TCTN2: variants seen among roughly 807,000 people sequenced by gnomAD.
TCTN2 encodes the protein tectonic-2.
A neutral mutation model predicts 83.4 loss-of-function variants in TCTN2; 66 were observed. The ratio of observed to expected loss-of-function variants is 0.79; its 90% CI spans 0.65 to 0.97. The LOEUF is 0.97. Among genes scored for constraint, TCTN2 ranks in the 50% least tolerant of loss-of-function variants. The pLI is 0.00. For missense variants in TCTN2, 794 were observed against 858.1 expected (o/e 0.93, Z 0.93); for synonymous variants, 301 against 326.7 (o/e 0.92, Z 0.85).
intron 4 of TCTN2, among the ~76,000 whole-genome samples, chr12:123,676,768 A>G (rs1025296270): frequency 1.3e-5 from 2 of 152,134 alleles, no homozygotes; most frequent in Non-Finnish European, 2.9e-5. Context: ...GGAAGCACAG[A>G]CAGGAGGTAT....
chr12:123,676,669 T>G (rs1365361664), intron 4 of TCTN2, among the ~76,000 whole-genome samples: 1 of 151,492 alleles, frequency 6.6e-6, no homozygotes, highest in East Asian at 1.9e-4. Context: ...CATCTTTGTA[T>G]ATGAGTGATT....
intron 4 of TCTN2, among the ~76,000 whole-genome samples, chr12:123,676,678 T>C (rs1955826937): frequency 6.6e-6 from 1 of 151,990 alleles, no homozygotes; most frequent in African/African-American, 2.4e-5. Context: ...ATATGAGTGA[T>C]TGAGTTGTCA....
rs1227702789 is a variant in TCTN2, at chr12:123,673,713, C to G, written c.366C>G (p.Thr122=). 3.1e-6 allele frequency: 5 copies of G among 1,613,988 alleles called. No individual in the cohort carries two copies. The highest frequency in any genetic ancestry group is 2.7e-5 in the African/African-American group (2 of 74,898). ...CAGAGTCCCCCTGTATCCTCCAGAC[C>G]CTTCTGGTTTCAGCATCTCATAATT... ...SFSESPCILQ[T]LLVSASHNSS... is the part of the protein sequence containing the mutation. The change falls in exon 4 of 18, where the codon ACC becomes ACG. Residue 122 remains threonine, a synonymous_variant. Transcript: ENST00000303372.
At chr12:123,705,674 A>G (rs896145905) in intron 15 of TCTN2, among the ~76,000 whole-genome samples, 3 of 151,990 alleles carry the variant, frequency 2.0e-5, no homozygotes, top group Non-Finnish European at 1.5e-5. Flanking sequence ...GATGGCAAAG[A>G]TCAGCACCAG....
rs1955751143 is a variant in TCTN2, at chr12:123,671,536, G to T, written c.112G>T (p.Gly38Cys). 3.1e-6 allele frequency: 5 copies of T among 1,614,022 alleles called. No homozygotes were observed. Among genetic ancestry groups the T allele is most frequent in the Middle Eastern group, 1.6e-4 (1 of 6,062 alleles). The change falls in exon 2 of 18, where the codon GGC becomes TGC. Residue 38 changes from glycine (G) to cysteine (C), a missense_variant. Transcript: ENST00000303372. ...CATCCCTCCTTTTATCCGAATGTCC[G>T]GCCCTGCGGTCAGCGCGTCCCTGGT... ...AFIPPFIRMSGPAVSASLVGD... is the reference protein window; with the variant it reads ...AFIPPFIRMSCPAVSASLVGD...
intron 5 of TCTN2, among the ~76,000 whole-genome samples, chr12:123,680,967 A>G (rs1955892521): frequency 6.6e-6 from 1 of 152,126 alleles, no homozygotes; most frequent in African/African-American, 2.4e-5. Flanking sequence ...ATATAAAAAA[A>G]GAAAGAATAA....
intron 11 of TCTN2, chr12:123,695,570 C>A: frequency 3.5e-6 from 1 of 286,006 alleles, no homozygotes; most frequent in Non-Finnish European, 6.5e-6. Flanking sequence ...TACAGGTGCA[C>A]ACCACCATGC....
chr12:123,674,373 C>T (rs1480305429), intron 4 of TCTN2, among the ~76,000 whole-genome samples: 1 of 151,986 alleles, frequency 6.6e-6, no homozygotes, highest in Admixed American at 6.6e-5. Flanking sequence ...TGGGCTTAAG[C>T]GATTCTCCTG....
chr12:123,697,082 T>G lies in TCTN2; in HGVS notation c.1394-5T>G. On this transcript the variant is annotated splice_region_variant and splice_polypyrimidine_tract_variant and intron_variant, in intron 12 of 17. Coordinates refer to ENST00000303372, the MANE Select transcript of TCTN2 (RefSeq NM_024809.5). The stretch of plus-strand genomic sequence containing the variant: ...TAGCAAGAGGATAATCTTTTTCTTT[T>G]ATAGCTGGAAGGGGTCTGTGTACAT... 6.2e-7 allele frequency: 1 copy of G among 1,610,114 alleles called. No individual in the cohort carries two copies. Among genetic ancestry groups the G allele is most frequent in the Non-Finnish European group, 8.5e-7 (1 of 1,176,368 alleles).
chr12:123,707,101 A>G (rs745643539), intron 17 of TCTN2, 28 bp downstream of exon 17: 4 of 1,598,316 alleles, frequency 2.5e-6, no homozygotes, highest in East Asian at 4.5e-5. Context: ...TCTATGACCA[A>G]TTATGTTATG....
intron 3 of TCTN2, among the ~76,000 whole-genome samples, chr12:123,672,505 G>A (rs7138209): frequency 0.36 from 54,266 of 151,792 alleles, 10,175 homozygotes; most frequent in African/African-American, 0.41. Flanking sequence ...GGAGATTGAG[G>A]CGGGAGGATT....
chr12:123,672,270 G>A, intron 3 of TCTN2, 138 bp downstream of exon 3: 1 of 835,568 alleles, frequency 1.2e-6, no homozygotes, highest in Non-Finnish European at 2.0e-6. Context: ...GTTGGATCTG[G>A]TAGACACTTA....
chr12:123,695,927 T>C (rs12818596), intron 11 of TCTN2: 61,124 of 174,734 alleles, frequency 0.35, 11,461 homozygotes, highest in African/African-American at 0.41. Context: ...CACTGCAACC[T>C]CCACCTTCCA....
At chr12:123,704,178 T>C (rs770834010) in intron 14 of TCTN2, among the ~76,000 whole-genome samples, 4 of 152,046 alleles carry the variant, frequency 2.6e-5, no homozygotes, top group Non-Finnish European at 5.9e-5. Flanking sequence ...AGCTAATTTT[T>C]ATACTTTTAG....
At chr12:123,700,101 T>C in intron 14 of TCTN2, 1 of 476,728 alleles carries the variant, frequency 2.1e-6, no homozygotes, top group Non-Finnish European at 3.9e-6. Flanking sequence ...CTCCTCATCC[T>C]CCCAGGCTCA....
rs375061429 is a variant in TCTN2 at position 123,707,653 on chromosome 12, C to T, written c.2034C>T (p.Phe678=). Reference sequence around the variant, plus strand: ...CTAAGGGCTTACTGTTGCTGTTGTTCCTCACATTGGCCTTGTTCCTCAGCA... The same window carrying T: ...CTAAGGGCTTACTGTTGCTGTTGTTTCTCACATTGGCCTTGTTCCTCAGCA... ...CVAKGLLLLL[F]LTLALFLSNP... is the part of the protein sequence containing the mutation. Residue 678 remains phenylalanine (F), a synonymous_variant, in exon 18 of 18, where the codon TTC becomes TTT. Coordinates refer to ENST00000303372, the MANE Select transcript of TCTN2 (RefSeq NM_024809.5). The T allele has an allele frequency of 6.2e-6, 10 of 1,614,054 alleles. No homozygotes were observed. The African/African-American group carries it at 1.2e-4, about 19-fold the overall frequency.
chr12:123,688,206 C>A (rs753176055), intron 7 of TCTN2, 29 bp downstream of exon 7: 1 of 1,591,566 alleles, frequency 6.3e-7, no homozygotes, highest in Admixed American at 1.7e-5. Flanking sequence ...GTATGCTAGA[C>A]CGTTCTCTTT....
intron 12 of TCTN2, 66 bp from the exon 13 acceptor site, chr12:123,697,021 A>G (rs763518683): frequency 6.4e-5 from 83 of 1,287,730 alleles, no homozygotes; most frequent in Non-Finnish European, 9.3e-5. Context: ...TTTCACGGAA[A>G]ACTGAAGTTA....
At chr12:123,684,440 G>A (rs1460507183) in intron 5 of TCTN2, among the ~76,000 whole-genome samples, 1 of 142,402 alleles carries the variant, frequency 7.0e-6, no homozygotes, top group African/African-American at 2.6e-5. Flanking sequence ...TTGATCCGTC[G>A]CCCAGGCTGG....
Sources: gnomAD v4.1 joint callset for allele counts (sites outside exome capture counted in the v4.1 genomes callset) on GRCh38, gnomAD v4.1.1 for gene constraint, MANE v1.5 for transcripts, NCBI Gene and HGNC (gene_info 2026-07-23, HGNC 2026-07-21) for gene names.